TNS3: variants seen among roughly 807,000 people sequenced by gnomAD.
TNS3 encodes tensin-3.
TNS3 carries 45 observed loss-of-function variants against 140.9 expected under a neutral mutation model. The ratio of observed to expected loss-of-function variants is 0.32; its 90% CI spans 0.25 to 0.41. The LOEUF is 0.41. TNS3 is among the 10% of genes least tolerant of loss of function. The probability of loss-of-function intolerance (pLI) is 1.00; values close to 1 mark genes in which losing one functional copy is unlikely to be tolerated. For synonymous variants in TNS3, 815 were observed against 788.4 expected (o/e 1.03, Z -0.56); for missense variants, 1,716 against 1,906.7 (o/e 0.90, Z 1.86).
intron 20 of TNS3, among the ~76,000 whole-genome samples, chr7:47,328,257 G>A (rs1301407150): frequency 6.6e-6 from 1 of 152,214 alleles, no homozygotes; most frequent in Non-Finnish European, 1.5e-5. Context: ...CGGGATTGTT[G>A]AGCTGCTGCT....
At chr7:47,496,966 C>T (rs1319442220) in intron 3 of TNS3, among the ~76,000 whole-genome samples, 2 of 152,142 alleles carry the variant, frequency 1.3e-5, no homozygotes, top group Admixed American at 6.5e-5. Flanking sequence ...AAGGCAGCAT[C>T]GAGCAAGAGG....
At chr7:47,283,654 C>A (rs771241578) in intron 28 of TNS3, 43 bp downstream of exon 28, 2 of 1,490,558 alleles carry the variant, frequency 1.3e-6, no homozygotes, top group Non-Finnish European at 1.8e-6. Context: ...ACGTGACAGC[C>A]CCGCCCCTGC....
chr7:47,348,330 G>A (rs1437886709), intron 17 of TNS3, among the ~76,000 whole-genome samples: 2 of 152,218 alleles, frequency 1.3e-5, no homozygotes, highest in African/African-American at 4.8e-5. Flanking sequence ...CTGGCCTCAA[G>A]GGAAATCATT....
At chr7:47,561,006 A>C (rs1800309324) in intron 1 of TNS3, among the ~76,000 whole-genome samples, 1 of 152,214 alleles carries the variant, frequency 6.6e-6, no homozygotes, top group Admixed American at 6.5e-5. Flanking sequence ...CTTCATGAAA[A>C]TATCACTGTA....
At chr7:47,528,239 C>T (rs1039355824) in intron 2 of TNS3, among the ~76,000 whole-genome samples, 10 of 152,170 alleles carry the variant, frequency 6.6e-5, no homozygotes, top group Non-Finnish European at 8.8e-5. Flanking sequence ...CTGCGTGCAT[C>T]GTTCCATCAC....
At chr7:47,370,026 G>C (rs774487323) in intron 16 of TNS3, among the ~76,000 whole-genome samples, 2 of 152,210 alleles carry the variant, frequency 1.3e-5, no homozygotes, top group Non-Finnish European at 2.9e-5. Flanking sequence ...TCCGTTCATA[G>C]ACCTGTCTAA....
At chr7:47,305,159 G>A (rs1786673350) in intron 20 of TNS3, among the ~76,000 whole-genome samples, 156 bp from the exon 21 acceptor site, 1 of 152,190 alleles carries the variant, frequency 6.6e-6, no homozygotes, top group Non-Finnish European at 1.5e-5. Context: ...ACCCGTAATA[G>A]GCTGGAGGAG....
At chr7:47,294,837 A>G (rs545145532) in intron 24 of TNS3, among the ~76,000 whole-genome samples, 1 of 152,384 alleles carries the variant, frequency 6.6e-6, no homozygotes, top group South Asian at 2.1e-4. Flanking sequence ...AGTTGTGGGA[A>G]GAAAATGACG....
At chr7:47,337,827 C>T (rs867227898) in intron 20 of TNS3, among the ~76,000 whole-genome samples, 20 of 152,348 alleles carry the variant, frequency 1.3e-4, no homozygotes, top group Middle Eastern at 3.4e-3. Context: ...CACTCTTCTG[C>T]CAATCTCCTG....
intron 16 of TNS3, among the ~76,000 whole-genome samples, chr7:47,389,108 GCAGAAGAAGAA>G (rs1792329950): frequency 1.4e-4 from 4 of 29,008 alleles, no homozygotes; most frequent in African/African-American, 4.5e-4. Flanking sequence ...GGAAGCGGAA[GCAGAAGAAGAA>G]GAAGAAGAAG....
At position 47,409,606 on chromosome 7, in the gene TNS3, T is replaced by C. The variant is rs1390598630; in HGVS notation, c.723+2121A>G. Among the ~76,000 whole-genome samples, 3 of 151,624 alleles carry C rather than the reference T, an allele frequency of 2.0e-5. No homozygotes were observed. The East Asian group carries it at 5.8e-4, about 29-fold the overall frequency. ...CAGGTAGAACACTACGCAAACAAGA[T>C]GAGGGCGGGTGCAAATCCTACCAGC... On this transcript the variant is annotated intron_variant, in intron 13 of 30. Coordinates refer to ENST00000311160, the MANE Select transcript of TNS3 (RefSeq NM_022748.12).
At chr7:47,493,542 G>T (rs1204533379) in intron 3 of TNS3, among the ~76,000 whole-genome samples, 1 of 152,042 alleles carries the variant, frequency 6.6e-6, no homozygotes, top group Non-Finnish European at 1.5e-5. Context: ...CAAGAGGCCG[G>T]GCGCGGTGGC....
intron 4 of TNS3, among the ~76,000 whole-genome samples, chr7:47,462,477 C>G (rs1397035042): frequency 1.3e-5 from 2 of 152,170 alleles, no homozygotes; most frequent in Non-Finnish European, 2.9e-5. Flanking sequence ...GGACCCTAAC[C>G]CTTTATTTCT....
Position 47,283,906 on chromosome 7 carries a change from TG to T in TNS3, c.3929-42del, listed in dbSNP as rs1461222998. The T allele has an allele frequency of 2.0e-6, 3 of 1,521,124 alleles. No homozygotes were observed. In the African/African-American group the frequency reaches 4.2e-5, roughly 21 times the overall value. 94.2% of individuals were successfully genotyped at this position (1,521,124 alleles called of 1,614,324 possible). The stretch of plus-strand genomic sequence containing the variant: ...GGAGACACATGTTAGTTGCAACTAT[TG>T]GGACAGGTGTGTCCTGTTAACACAC... On this transcript the variant is annotated intron_variant, in intron 27 of 30. Coordinates refer to ENST00000311160, the MANE Select transcript of TNS3 (RefSeq NM_022748.12).
intron 6 of TNS3, among the ~76,000 whole-genome samples, chr7:47,437,628 G>C (rs1795248503): frequency 6.6e-6 from 1 of 150,842 alleles, no homozygotes; most frequent in Non-Finnish European, 1.5e-5. Context: ...ATGGCATACA[G>C]AACCCTTACA....
intron 17 of TNS3, among the ~76,000 whole-genome samples, chr7:47,348,674 A>T (rs1332103399): frequency 6.6e-6 from 1 of 152,200 alleles, no homozygotes; most frequent in Admixed American, 6.5e-5. Context: ...TCAACTAAAA[A>T]TAGTAATAAT....
At chr7:47,415,354 T>C in intron 10 of TNS3, 148 bp from the exon 11 acceptor site, 1 of 591,358 alleles carries the variant, frequency 1.7e-6, no homozygotes. Flanking sequence ...CTCAGCATGG[T>C]GCTGCGCTTA....
chr7:47,477,070 C>T (rs775143356), intron 4 of TNS3, among the ~76,000 whole-genome samples: 28 of 152,166 alleles, frequency 1.8e-4, no homozygotes, highest in Non-Finnish European at 3.5e-4. Flanking sequence ...CACAAAGGCA[C>T]CCTATGCCTG....
rs1232027280 is a variant in TNS3, at chr7:47,296,321, T to C, written c.3676+761A>G. On this transcript the variant is annotated intron_variant, in intron 24 of 30. Transcript: ENST00000311160. ...ATATGATTGGTGGATGCTGGTGAGG[T>C]TGTAGAGAAAAAGGAATGCTTTTGC... is the stretch of plus-strand genomic sequence containing the variant. 2.6e-5 allele frequency among the ~76,000 whole-genome samples: 4 copies of C among 152,076 alleles called. No homozygotes were observed. The East Asian group carries it at 7.7e-4, about 29-fold the overall frequency.
Sources: allele counts gnomAD v4.1 joint callset (sites outside exome capture counted in the v4.1 genomes callset), GRCh38; gene constraint gnomAD v4.1.1; transcripts MANE v1.5; gene names NCBI Gene and HGNC (gene_info 2026-07-23, HGNC 2026-07-21).